RFC3: variants seen among roughly 807,000 people sequenced by gnomAD.
RFC3 encodes the protein A1 38 kDa subunit.
In RFC3, 41 loss-of-function variants were observed where a neutral mutation model predicts 45.1. That is an observed-to-expected ratio of 0.91 (90% confidence interval 0.71 to 1.18). The LOEUF (loss-of-function observed/expected upper bound fraction) is 1.18. RFC3 is among the 50% of genes most tolerant of loss of function. The pLI is 0.00. For synonymous variants in RFC3, 149 were observed against 144.0 expected (o/e 1.03, Z -0.25); for missense variants, 423 against 428.1 (o/e 0.99, Z 0.10).
At chr13:33,966,271 C>T (rs1425909651) in exon 9 of RFC3, 7 of 681,822 alleles carry the variant, frequency 1.0e-5, no homozygotes, top group Non-Finnish European at 1.8e-5. Flanking sequence ...ATGTTATTTC[C>T]TGAGAAAATC....
chr13:33,963,385 C>T (rs2083069256), intron 8 of RFC3, among the ~76,000 whole-genome samples: 1 of 152,152 alleles, frequency 6.6e-6, no homozygotes, highest in Non-Finnish European at 1.5e-5. Context: ...TAAGCAAAAC[C>T]TTAATTCAGA....
At chr13:33,922,056 A>G (rs1322181158) in intron 8 of RFC3, among the ~76,000 whole-genome samples, 1 of 152,044 alleles carries the variant, frequency 6.6e-6, no homozygotes, top group Non-Finnish European at 1.5e-5. Context: ...ATGGAGTGAA[A>G]ATGACACTTA....
Position 33,938,014 on chromosome 13 carries a change from C to T in RFC3, c.880-28073C>T, listed in dbSNP as rs574038775. Among the ~76,000 whole-genome samples the T allele has an allele frequency of 7.9e-5, 12 of 151,958 alleles. 1 individual carries two copies. The South Asian group carries it at 1.0e-3, about 13-fold the overall frequency. Reference sequence around the variant, plus strand: ...AGAAGATCAATCAGGAAGAGAAGCACGCCATGGGCTGAACTGCAGTTTCTG... The same window carrying T: ...AGAAGATCAATCAGGAAGAGAAGCATGCCATGGGCTGAACTGCAGTTTCTG... On this transcript the variant is annotated intron_variant, in intron 8 of 8. Coordinates refer to the RFC3 transcript ENST00000434425.
chr13:33,959,364 G>A (rs1410605875), intron 8 of RFC3, among the ~76,000 whole-genome samples: 1 of 152,108 alleles, frequency 6.6e-6, no homozygotes. Flanking sequence ...GTCAACACCT[G>A]TTATTCCCAG....
At chr13:33,966,406 CA>C in exon 9 of RFC3, 1 of 450,150 alleles carries the variant, frequency 2.2e-6, no homozygotes, top group South Asian at 4.4e-5. Flanking sequence ...TCTCAGAGGA[CA>C]ATAAATTTGA....
At chr13:33,905,796 A>AT (rs2082668768) in intron 8 of RFC3, among the ~76,000 whole-genome samples, 1 of 152,108 alleles carries the variant, frequency 6.6e-6, no homozygotes, top group Non-Finnish European at 1.5e-5. Context: ...AAAATAAAAA[A>AT]TAAAAACAAC....
intron 8 of RFC3, among the ~76,000 whole-genome samples, chr13:33,943,019 T>G (rs556544372): frequency 6.6e-6 from 1 of 152,352 alleles, no homozygotes; most frequent in South Asian, 2.1e-4. Flanking sequence ...GAGAATTTCA[T>G]AATTTTGATT....
At chr13:33,854,043 A>G (rs2082293887) in intron 8 of RFC3, among the ~76,000 whole-genome samples, 1 of 152,238 alleles carries the variant, frequency 6.6e-6, no homozygotes, top group East Asian at 1.9e-4. Flanking sequence ...TTATGAAATT[A>G]GGATCTTAAT....
intron 7 of RFC3, among the ~76,000 whole-genome samples, chr13:33,833,641 T>C (rs1319088845): frequency 2.0e-5 from 3 of 152,160 alleles, no homozygotes; most frequent in Non-Finnish European, 4.4e-5. Flanking sequence ...ACTTCAATTG[T>C]ATAGGTAACT....
chr13:33,841,823 A>T (rs192286479), downstream of RFC3, among the ~76,000 whole-genome samples: 1 of 152,112 alleles, frequency 6.6e-6, no homozygotes, highest in Non-Finnish European at 1.5e-5. Flanking sequence ...TAGGGGCATG[A>T]TATTTCTAGG....
At chr13:33,895,576 G>T (rs1328135066) in intron 8 of RFC3, among the ~76,000 whole-genome samples, 2 of 152,194 alleles carry the variant, frequency 1.3e-5, no homozygotes, top group Non-Finnish European at 2.9e-5. Context: ...GGAAAACAGT[G>T]TGGATATTTC....
intron 2 of RFC3, among the ~76,000 whole-genome samples, chr13:33,821,980 T>C (rs923569831): frequency 2.0e-5 from 3 of 152,258 alleles, no homozygotes; most frequent in Non-Finnish European, 2.9e-5. Flanking sequence ...CGAGAACATA[T>C]ATTCATTTTC....
chr13:33,887,487 G>T (rs867599043), intron 8 of RFC3, among the ~76,000 whole-genome samples: 1,674 of 151,976 alleles, frequency 0.011, 18 homozygotes, highest in Non-Finnish European at 0.018. Context: ...GTGTTGTTTG[G>T]TTTTTTCTTG....
At chr13:33,920,330 G>T (rs1424122723) in intron 8 of RFC3, among the ~76,000 whole-genome samples, 3 of 150,980 alleles carry the variant, frequency 2.0e-5, no homozygotes, top group Non-Finnish European at 4.4e-5. Context: ...TTGATTGGAT[G>T]ATTGAGTTGG....
chr13:33,923,821 AAG>A (rs1434794553), intron 8 of RFC3, among the ~76,000 whole-genome samples: 1 of 152,116 alleles, frequency 6.6e-6, no homozygotes, highest in Non-Finnish European at 1.5e-5. Context: ...AGAGCTTTCT[AAG>A]CCCCAAGGTG....
intron 8 of RFC3, among the ~76,000 whole-genome samples, chr13:33,873,305 G>A (rs766224953): frequency 6.6e-6 from 1 of 152,140 alleles, no homozygotes; most frequent in Non-Finnish European, 1.5e-5. Flanking sequence ...TTCAACAACT[G>A]TGTGAAATAG....
chr13:33,904,172 C>T (rs1314627162), intron 8 of RFC3, among the ~76,000 whole-genome samples: 2 of 151,988 alleles, frequency 1.3e-5, no homozygotes, highest in Non-Finnish European at 2.9e-5. Flanking sequence ...ACTGTATGCC[C>T]AGCCTCTAGT....
At chr13:33,862,576 C>T (rs945324127) in intron 8 of RFC3, among the ~76,000 whole-genome samples, 5 of 151,740 alleles carry the variant, frequency 3.3e-5, no homozygotes, top group Non-Finnish European at 7.4e-5. Flanking sequence ...ACACACATGT[C>T]AAAATATTTT....
At chr13:33,948,477 C>T (rs2082968425) in intron 8 of RFC3, among the ~76,000 whole-genome samples, 1 of 152,186 alleles carries the variant, frequency 6.6e-6, no homozygotes, top group Non-Finnish European at 1.5e-5. Context: ...GGTTGGATTC[C>T]CCCAAAGTCC....
Sources: gnomAD v4.1 joint callset for allele counts (sites outside exome capture counted in the v4.1 genomes callset) on GRCh38, gnomAD v4.1.1 for gene constraint, MANE v1.5 for transcripts, NCBI Gene and HGNC (gene_info 2026-07-23, HGNC 2026-07-21) for gene names.